The following RNPS1 variants were observed in gnomAD, a reference collection of about 807,000 sequenced individuals.
The protein encoded by RNPS1 is RNA-binding protein with serine-rich domain 1.
For synonymous variants in RNPS1, 147 were observed against 150.0 expected (o/e 0.98, Z 0.15); for missense variants, 300 against 427.6 (o/e 0.70, Z 2.63).
In RNPS1 at chr16:2,264,258, T is replaced by G; in HGVS notation, c.145A>C (p.Thr49Pro). The change falls in exon 3 of 8, where the codon ACC becomes CCC. Residue 49 changes from threonine to proline, a missense_variant. Thr to Pro is a conservative substitution (Grantham distance 38, BLOSUM62 -1). Transcript: ENST00000320225. ...SKDRSKDKGA[T>P]KESSEKDRGR... ...CGATCCTTCTCACTCGACTCCTTGGTGGCCCCTTTATCTTTTGAGCGATCC... is the reference window on the plus strand; with the variant it reads ...CGATCCTTCTCACTCGACTCCTTGGGGGCCCCTTTATCTTTTGAGCGATCC... The G allele has an allele frequency of 6.2e-7, 1 of 1,614,176 alleles. No individual in the cohort carries two copies. Among genetic ancestry groups the G allele is most frequent in the Non-Finnish European group, 8.5e-7 (1 of 1,180,030 alleles).
At chr16:2,257,352 T>TA (rs1232889848) in intron 6 of RNPS1, 1 of 152,292 alleles carries the variant, frequency 6.6e-6, no homozygotes, top group East Asian at 1.9e-4. Context: ...AGAACATACT[T>TA]AAGAGGTTTA....
At chr16:2,262,866 G>A (rs1444333443) in intron 4 of RNPS1, 24 bp from the exon 5 acceptor site, 2 of 1,596,114 alleles carry the variant, frequency 1.3e-6, no homozygotes, top group Non-Finnish European at 1.7e-6. Flanking sequence ...CAAAACACCA[G>A]AAACAATTTC....
rs918225415 is a variant in RNPS1, at chr16:2,268,122, G to C, written c.-185C>G. The C allele has an allele frequency of 2.5e-5, 38 of 1,533,138 alleles. No individual in the cohort carries two copies. Among genetic ancestry groups the C allele is most frequent in the Non-Finnish European group, 3.1e-5 (36 of 1,145,162 alleles). The allele number at this position is 1,533,138 out of a possible 1,614,324, so 95.0% of individuals were successfully genotyped here. A position where few individuals can be genotyped will look rare whatever the true frequency, so the allele number is the denominator to read the frequency against. ...CGAGGCCGGCGCCGCTCTGACGTCA[G>C]AGTCAAGGAGCGGGAAGTCGCCGCC... is the stretch of plus-strand genomic sequence containing the variant. On this transcript the variant is annotated 5_prime_UTR_variant, in exon 1 of 8. Transcript: ENST00000320225.
At chr16:2,267,469 G>A (rs548662281) in intron 1 of RNPS1, 3 of 970,482 alleles carry the variant, frequency 3.1e-6, no homozygotes, top group African/African-American at 3.5e-5. Context: ...GGTCCATAGT[G>A]GGCCGTATCC....
At chr16:2,262,643 C>T in intron 5 of RNPS1, 97 bp downstream of exon 5, 1 of 1,148,096 alleles carries the variant, frequency 8.7e-7, no homozygotes, top group Non-Finnish European at 1.3e-6. Flanking sequence ...CATGCCACCA[C>T]CCCAGTCCTC....
chr16:2,260,535 G>A (rs1197421399), intron 6 of RNPS1, among the ~76,000 whole-genome samples: 1 of 152,134 alleles, frequency 6.6e-6, no homozygotes, highest in African/African-American at 2.4e-5. Flanking sequence ...CACAGTCCCT[G>A]TACAGGGTTT....
At position 2,255,502 on chromosome 16, in the gene RNPS1, G is replaced by A. The variant is rs375793271; in HGVS notation, c.818+83C>T. On this transcript the variant is annotated intron_variant, in intron 7 of 7. Transcript: ENST00000320225. The stretch of plus-strand genomic sequence containing the variant: ...CCCGCACAGCAGTGGAAGGCAGGCA[G>A]GGCTGAATAAAGGGTCTGAAAGTCA... 20 of 1,468,254 alleles carry A rather than the reference G, an allele frequency of 1.4e-5. 1 individual carries two copies. In the South Asian group the frequency reaches 2.3e-4, roughly 17 times the overall value. The allele number at this position is 1,468,254 out of a possible 1,614,324, so 91.0% of individuals were successfully genotyped here.
At chr16:2,265,278 T>C (rs2093620505) in intron 1 of RNPS1, 1 of 152,258 alleles carries the variant, frequency 6.6e-6, no homozygotes, top group South Asian at 2.1e-4. Flanking sequence ...GCAGATGAAA[T>C]GTACCATATG....
chr16:2,254,661 G>C (rs139284547), intron 7 of RNPS1, among the ~76,000 whole-genome samples: 1,688 of 151,572 alleles, frequency 0.011, 32 homozygotes, highest in African/African-American at 0.039. Context: ...TCGACCTCCT[G>C]ACCTTGTGAT....
intron 3 of RNPS1, 152 bp from the exon 4 acceptor site, chr16:2,263,439 C>A: frequency 1.4e-6 from 1 of 715,570 alleles, no homozygotes; most frequent in East Asian, 2.6e-5. Context: ...ACATCACCCC[C>A]CAATCCCCCA....
chr16:2,253,219 CAA>C lies in RNPS1; in HGVS notation c.*743_*744del, dbSNP rs1423943064. ...TAAAATGCTACAAAGGTATAAAACT[CAA>C]AAGAGAAATTTTATAGTACTGACTG... On this transcript the variant is annotated 3_prime_UTR_variant, in exon 8 of 8. Transcript: ENST00000320225. 2.6e-5 allele frequency: 4 copies of C among 152,382 alleles called. No homozygotes were observed. The highest frequency in any genetic ancestry group is 1.3e-4 in the Admixed American group (2 of 15,266). 9.4% of individuals were successfully genotyped at this position (152,382 alleles called of 1,614,324 possible).
intron 1 of RNPS1, chr16:2,267,276 C>A: frequency 1.0e-6 from 1 of 984,912 alleles, no homozygotes; most frequent in Non-Finnish European, 1.2e-6. Context: ...AGTTAAATCT[C>A]GAGGAGAGGG....
At position 2,264,231 on chromosome 16, in the gene RNPS1, C is replaced by T. The variant is rs2141582616; in HGVS notation, c.172G>A (p.Gly58Ser). The change falls in exon 3 of 8, where the codon GGC (glycine) becomes AGC (serine). Residue 58 changes from glycine (G) to serine (S), a missense_variant. Gly to Ser is a moderately conservative substitution (Grantham distance 56, BLOSUM62 0). Transcript: ENST00000320225. ...ATKESSEKDR[G>S]RDKTRKRRSA... is the part of the protein sequence containing the mutation. ...CGCCTCTTTCGGGTTTTGTCCCGGC[C>T]GCGATCCTTCTCACTCGACTCCTTG... 4.3e-6 allele frequency: 7 copies of T among 1,614,164 alleles called. No homozygotes were observed. The highest frequency in any genetic ancestry group is 1.7e-4 in the Middle Eastern group (1 of 6,022).
chr16:2,254,395 G>A (rs2093567365), intron 7 of RNPS1, among the ~76,000 whole-genome samples: 1 of 152,060 alleles, frequency 6.6e-6, no homozygotes, highest in Admixed American at 6.6e-5. Context: ...CCAGGTTCAT[G>A]CCATTCTCCT....
At chr16:2,264,475 A>T in intron 2 of RNPS1, 98 bp downstream of exon 2, 1 of 1,526,718 alleles carries the variant, frequency 6.5e-7, no homozygotes, top group East Asian at 2.3e-5. Flanking sequence ...CAGAACACTC[A>T]CTGTAGAATG....
At chr16:2,259,092 C>T (rs146341173) in intron 6 of RNPS1, among the ~76,000 whole-genome samples, 83 of 142,440 alleles carry the variant, frequency 5.8e-4, no homozygotes, top group African/African-American at 2.0e-3. Context: ...CATTGTACTC[C>T]AGCCTGGGCA....
At chr16:2,264,519 C>A in intron 2 of RNPS1, 54 bp downstream of exon 2, 1 of 1,568,464 alleles carries the variant, frequency 6.4e-7, no homozygotes, top group South Asian at 1.1e-5. Flanking sequence ...TTCTGCGGGT[C>A]CCTAGCAGTA....
At chr16:2,255,924 G>A (rs889551788) in intron 6 of RNPS1, 198 bp from the exon 7 acceptor site, 10 of 592,612 alleles carry the variant, frequency 1.7e-5, no homozygotes, top group Non-Finnish European at 2.7e-5. Flanking sequence ...TCAGGAGATC[G>A]AGACCATCCT....
chr16:2,255,374 G>A (rs776510980), intron 7 of RNPS1, among the ~76,000 whole-genome samples: 2 of 152,216 alleles, frequency 1.3e-5, no homozygotes, highest in Non-Finnish European at 2.9e-5. Context: ...GACTCAGAAA[G>A]CTGTGTTGGT....
Sources: allele counts gnomAD v4.1 joint callset (sites outside exome capture counted in the v4.1 genomes callset), GRCh38; gene constraint gnomAD v4.1.1; transcripts MANE v1.5; gene names NCBI Gene and HGNC (gene_info 2026-07-23, HGNC 2026-07-21).